Variants in KIAA1217 observed in about 807,000 individuals in gnomAD.
The protein encoded by KIAA1217 is sickle tail protein homolog.
In KIAA1217, 88 loss-of-function variants were observed where a neutral mutation model predicts 163.9. The ratio of observed to expected loss-of-function variants is 0.54; its 90% CI spans 0.45 to 0.64. The LOEUF (loss-of-function observed/expected upper bound fraction) is 0.64, where lower values mean the gene tolerates loss of function less well. KIAA1217 is among the 30% of genes least tolerant of loss of function. The probability of loss-of-function intolerance (pLI) is 0.00; values close to 1 mark genes in which losing one functional copy is unlikely to be tolerated. For missense variants in KIAA1217, 2,372 were observed against 2,475.0 expected, an observed-to-expected ratio of 0.96 and a Z score of 0.88; for synonymous variants, 903 against 923.1, an observed-to-expected ratio of 0.98 and a Z score of 0.39.
intron 2 of KIAA1217, among the ~76,000 whole-genome samples, chr10:24,262,419 A>T (rs938469399): frequency 2.0e-5 from 3 of 151,974 alleles, no homozygotes; most frequent in Admixed American, 1.3e-4. Context: ...CAAGGTCAGG[A>T]GATAGAGACC....
At chr10:24,123,513 G>T (rs1376183847) in intron 2 of KIAA1217, among the ~76,000 whole-genome samples, 1 of 152,102 alleles carries the variant, frequency 6.6e-6, no homozygotes, top group Non-Finnish European at 1.5e-5. Context: ...TTTTCTAGAA[G>T]TTGATCATGG....
chr10:23,838,300 A>T (rs1423152808), intron 1 of KIAA1217, among the ~76,000 whole-genome samples: 5 of 152,178 alleles, frequency 3.3e-5, no homozygotes, highest in African/African-American at 7.2e-5. Flanking sequence ...ATTTGTAATG[A>T]TTTCCCATTA....
intron 2 of KIAA1217, among the ~76,000 whole-genome samples, chr10:24,095,463 A>AC (rs1337738096): frequency 1.3e-5 from 2 of 151,902 alleles, no homozygotes; most frequent in African/African-American, 4.8e-5. Context: ...ATACTGTGAC[A>AC]CCCCACCCCA....
chr10:24,380,963 C>G lies in KIAA1217; in HGVS notation c.449C>G (p.Ala150Gly), dbSNP rs1329630412. The change falls in exon 3 of 21, where the codon GCC (alanine) becomes GGC (glycine). Residue 150 changes from alanine to glycine, a missense_variant. By Grantham distance (60) the Ala-to-Gly change is moderately conservative. Around this residue, in one of 3 missense-constraint regions of KIAA1217, gnomAD observed 1,431 missense variants for 1,470.3 expected, o/e 0.97. Transcript: ENST00000376454. ...GAGACGTCCGCTGATTCTTTGGAAG[C>G]CATGTCTGAGGGGGATGCTCCAACC... is the stretch of plus-strand genomic sequence containing the variant. The part of the protein sequence containing the change: ...LSETSADSLE[A>G]MSEGDAPTPF... 4 of 1,608,298 alleles carry G rather than the reference C, an allele frequency of 2.5e-6. No individual in the cohort carries two copies. Among genetic ancestry groups the G allele is most frequent in the Admixed American group, 1.7e-5 (1 of 59,214 alleles).
At chr10:24,122,243 T>C (rs990881113) in intron 2 of KIAA1217, among the ~76,000 whole-genome samples, 1 of 151,994 alleles carries the variant, frequency 6.6e-6, no homozygotes, top group Non-Finnish European at 1.5e-5. Flanking sequence ...TGAGAACATG[T>C]AATATTTGGT....
intron 1 of KIAA1217, among the ~76,000 whole-genome samples, chr10:23,893,361 A>C (rs551275685): frequency 1.3e-5 from 2 of 151,654 alleles, no homozygotes; most frequent in South Asian, 4.2e-4. Context: ...TTTTTATTGC[A>C]TCTATTTGAT....
chr10:24,276,931 AT>A (rs67668085), intron 2 of KIAA1217, among the ~76,000 whole-genome samples: 46,186 of 150,180 alleles, frequency 0.31, 7,671 homozygotes, highest in Admixed American at 0.46. Flanking sequence ...TAAAAAAAAA[AT>A]AAAAATCGTA....
At chr10:23,935,713 A>C (rs1180016577) in intron 1 of KIAA1217, among the ~76,000 whole-genome samples, 1 of 152,270 alleles carries the variant, frequency 6.6e-6, no homozygotes, top group Non-Finnish European at 1.5e-5. Context: ...CTGTATAATT[A>C]ATTATATACT....
chr10:23,706,970 A>G (rs1836928363), intron 1 of KIAA1217, among the ~76,000 whole-genome samples: 1 of 152,190 alleles, frequency 6.6e-6, no homozygotes, highest in Non-Finnish European at 1.5e-5. Context: ...GGTATATCCT[A>G]TGTAAAGAAT....
Position 24,438,571 on chromosome 10 carries a change from CTG to C in KIAA1217, c.846+93_846+94del, listed in dbSNP as rs1252112194. On this transcript the variant is annotated intron_variant, in intron 5 of 20. Transcript: ENST00000376454. ...TCCTGATGTAATCAGAACTCTACAA[CTG>C]AGTTTTGGAGGGTTCTCCGCACTCA... The C allele has an allele frequency of 1.2e-5, 10 of 856,236 alleles. No individual in the cohort carries two copies. The Admixed American group carries it at 1.7e-4, about 14-fold the overall frequency. 53.0% of individuals were successfully genotyped at this position (856,236 alleles called of 1,614,324 possible).
intron 1 of KIAA1217, among the ~76,000 whole-genome samples, chr10:23,734,095 C>T (rs74123238): frequency 0.024 from 3,678 of 152,006 alleles, 164 homozygotes; most frequent in African/African-American, 0.083. Flanking sequence ...ATAATGCCAA[C>T]TTCACTGGAA....
At chr10:24,018,389 G>A (rs758412293) in intron 2 of KIAA1217, among the ~76,000 whole-genome samples, 3 of 151,988 alleles carry the variant, frequency 2.0e-5, no homozygotes, top group Non-Finnish European at 4.4e-5. Context: ...ATTAATCATC[G>A]GATTAGACTT....
intron 1 of KIAA1217, among the ~76,000 whole-genome samples, chr10:23,810,882 A>G (rs979068100): frequency 1.9e-4 from 23 of 123,160 alleles, no homozygotes; most frequent in African/African-American, 7.4e-4. Flanking sequence ...ACAGTATAGT[A>G]TACATATCAT....
chr10:23,696,666 AAAG>A (rs1836063710), intron 1 of KIAA1217, among the ~76,000 whole-genome samples: 2 of 152,148 alleles, frequency 1.3e-5, no homozygotes, highest in Admixed American at 1.3e-4. Context: ...AGTGGTTTGG[AAAG>A]AAGGTGAAGA....
intron 10 of KIAA1217, among the ~76,000 whole-genome samples, chr10:24,516,675 C>T (rs7910958): frequency 1.3e-5 from 2 of 151,894 alleles, no homozygotes; most frequent in Admixed American, 6.6e-5. Context: ...GATCATGTGC[C>T]GGACTGATTA....
At chr10:24,128,562 C>T (rs1165093115) in intron 2 of KIAA1217, among the ~76,000 whole-genome samples, 5 of 152,128 alleles carry the variant, frequency 3.3e-5, no homozygotes, top group Non-Finnish European at 5.9e-5. Flanking sequence ...TGTGCAGCTT[C>T]GCATGCCATG....
rs538545219 is a variant in KIAA1217 at position 23,773,280 on chromosome 10, C to T, written c.-321+78046C>T. 3.9e-5 allele frequency among the ~76,000 whole-genome samples: 6 copies of T among 151,928 alleles called. No individual in the cohort carries two copies. The East Asian group carries it at 7.7e-4, about 20-fold the overall frequency. On this transcript the variant is annotated intron_variant, in intron 1 of 18. Coordinates refer to the KIAA1217 transcript ENST00000376462. ...CAAAGATCAGATAGTTGTAGATATG[C>T]GGCGTTATTTCTGAGGGCTCTGTTC...
At chr10:24,457,845 C>T (rs191976310) in intron 5 of KIAA1217, among the ~76,000 whole-genome samples, 1 of 152,152 alleles carries the variant, frequency 6.6e-6, no homozygotes, top group African/African-American at 2.4e-5. Context: ...TCCTTACTCT[C>T]GGTAGGCATT....
chr10:24,404,083 G>A (rs951270656), intron 3 of KIAA1217, among the ~76,000 whole-genome samples: 27 of 152,128 alleles, frequency 1.8e-4, no homozygotes, highest in Non-Finnish European at 2.2e-4. Context: ...TCAACTTCCT[G>A]ACTAGCTGGG....
Sources: gnomAD v4.1 joint callset for allele counts (sites outside exome capture counted in the v4.1 genomes callset) on GRCh38, gnomAD v4.1.1 for gene constraint, gnomAD v4.1.1 regional missense constraint, MANE v1.5 for transcripts, NCBI Gene and HGNC (gene_info 2026-07-23, HGNC 2026-07-21) for gene names.